Variants in ANKRD11 observed in about 807,000 individuals in gnomAD.
The protein encoded by ANKRD11 is ankyrin repeat domain-containing protein 11.
A neutral mutation model predicts 195.7 loss-of-function variants in ANKRD11; 17 were observed. That is an observed-to-expected ratio of 0.09 (90% CI 0.06 to 0.13). The LOEUF (loss-of-function observed/expected upper bound fraction) is 0.13, where lower values mean the gene tolerates loss of function less well. ANKRD11 is among the 10% of genes least tolerant of loss of function. The pLI, the probability that ANKRD11 is intolerant of heterozygous loss-of-function variation, is 1.00. For missense variants in ANKRD11, 3,735 were observed against 3,566.1 expected (o/e 1.05, Z -1.21); for synonymous variants, 1,953 against 1,528.1 (o/e 1.28, Z -6.49).
chr16:89,426,697 A>G (rs904586801), intron 1 of ANKRD11, among the ~76,000 whole-genome samples: 2 of 152,234 alleles, frequency 1.3e-5, no homozygotes, highest in Non-Finnish European at 2.9e-5. Context: ...ATCACAGTCT[A>G]ATGGCAAAAC....
In ANKRD11 at chr16:89,305,200, T is replaced by G; in HGVS notation, c.226+6A>C. Reference sequence around the variant, plus strand: ...GCTGACTGCAGGAGGGGCCGCGGGCTGGTACCTGTGTCCGAGTCCTTCTGC... The same window carrying G: ...GCTGACTGCAGGAGGGGCCGCGGGCGGGTACCTGTGTCCGAGTCCTTCTGC... On this transcript the variant is annotated splice_donor_region_variant and intron_variant, in intron 4 of 12. Transcript: ENST00000301030. 6.2e-7 allele frequency: 1 copy of G among 1,611,442 alleles called. No homozygotes were observed. Among genetic ancestry groups the G allele is most frequent in the Non-Finnish European group, 8.5e-7 (1 of 1,179,594 alleles).
At chr16:89,356,238 CTG>C (rs2039467057) in intron 2 of ANKRD11, among the ~76,000 whole-genome samples, 2 of 151,876 alleles carry the variant, frequency 1.3e-5, no homozygotes, top group South Asian at 4.1e-4. Context: ...TTTTTAAAAA[CTG>C]ATTACAGACT....
At chr16:89,314,331 G>A (rs1419026398) in intron 3 of ANKRD11, among the ~76,000 whole-genome samples, 1 of 152,156 alleles carries the variant, frequency 6.6e-6, no homozygotes, top group Non-Finnish European at 1.5e-5. Flanking sequence ...TACTGGAAAA[G>A]CCCAGAGTGA....
Position 89,279,836 on chromosome 16 carries a change from C to T in ANKRD11, c.6706G>A (p.Asp2236Asn). The T allele has an allele frequency of 1.3e-6, 2 of 1,547,878 alleles. No homozygotes were observed. The highest frequency in any genetic ancestry group is 2.4e-5 in the East Asian group (1 of 41,130). ...ACGGGCGCGGGCTCCACGCTGGAGT[C>T]CGGATCCCCACGGGCCCTCTCTTCC... ...VPEERARGDPDSSVEPAPVPP... is the reference protein window; with the variant it reads ...VPEERARGDPNSSVEPAPVPP... The change falls in exon 9 of 13, where the codon GAC (aspartate) becomes AAC (asparagine). Residue 2236 changes from aspartate to asparagine, a missense_variant. Coordinates refer to ENST00000301030, the MANE Select transcript of ANKRD11 (RefSeq NM_013275.6). This position sits in a 1 kb window ranked among gnomAD's most constrained non-coding sequence, Gnocchi z 5.6.
At chr16:89,272,206 C>A (rs1402719561) in intron 11 of ANKRD11, 2 of 152,182 alleles carry the variant, frequency 1.3e-5, no homozygotes, top group East Asian at 3.9e-4. Flanking sequence ...TCACTTCACC[C>A]CGGTTAAAAT....
chr16:89,432,274 CACA>C (rs879479562), intron 1 of ANKRD11, among the ~76,000 whole-genome samples: 122 of 150,180 alleles, frequency 8.1e-4, no homozygotes, highest in Non-Finnish European at 9.8e-4. Flanking sequence ...CACACACACA[CACA>C]CCCCTGGAAA....
chr16:89,405,251 G>C (rs2041859442), intron 2 of ANKRD11, among the ~76,000 whole-genome samples: 1 of 152,192 alleles, frequency 6.6e-6, no homozygotes, highest in South Asian at 2.1e-4. Flanking sequence ...GCGGTCTGTT[G>C]TGGAACAAAA....
At position 89,477,277 on chromosome 16, in the gene ANKRD11, C is replaced by T. The variant is rs570605568; in HGVS notation, c.-145+12968G>A. Among the ~76,000 whole-genome samples the T allele has an allele frequency of 3.3e-5, 5 of 151,874 alleles. 1 individual carries two copies. In the South Asian group the frequency reaches 8.3e-4, roughly 25 times the overall value. On this transcript the variant is annotated intron_variant, in intron 1 of 12. Coordinates refer to ENST00000301030, the MANE Select transcript of ANKRD11 (RefSeq NM_013275.6). ...GCGCCATCTCGGCTCACTGCAACCT[C>T]CACCTCCCATGTTCAAGCGATTCTC...
chr16:89,373,340 T>G (rs888343888), intron 2 of ANKRD11: 2 of 152,228 alleles, frequency 1.3e-5, no homozygotes, highest in African/African-American at 4.8e-5. Flanking sequence ...CTGGCTAGAA[T>G]AACCCACACA....
intron 2 of ANKRD11, among the ~76,000 whole-genome samples, chr16:89,369,704 T>A (rs2040111513): frequency 6.6e-6 from 1 of 152,200 alleles, no homozygotes; most frequent in Admixed American, 6.5e-5. Flanking sequence ...GGCATCTGCA[T>A]CTGTGATCAA....
intron 1 of ANKRD11, among the ~76,000 whole-genome samples, chr16:89,454,170 G>A (rs867882033): frequency 1.2e-4 from 19 of 152,194 alleles, no homozygotes; most frequent in South Asian, 6.2e-4. Context: ...CGACAGCCGC[G>A]CCACAACCAA....
Position 89,272,909 on chromosome 16 carries a change from C to T in ANKRD11, c.7713+1905G>A, listed in dbSNP as rs535148580. ...GAAATAAGCATACAAAGACAAACAT[C>T]ACATGTTCTCTCTCACTTGTGGGAT... On this transcript the variant is annotated intron_variant, in intron 11 of 12. Transcript: ENST00000301030. 7.2e-5 allele frequency: 11 copies of T among 152,194 alleles called. No individual in the cohort carries two copies. In the South Asian group the frequency reaches 2.3e-3, roughly 32 times the overall value. 9.4% of individuals were successfully genotyped at this position (152,194 alleles called of 1,614,324 possible).
chr16:89,385,373 C>T (rs1044829786), intron 2 of ANKRD11, among the ~76,000 whole-genome samples: 1 of 150,300 alleles, frequency 6.7e-6, no homozygotes, highest in African/African-American at 2.5e-5. Flanking sequence ...AGGTGATCCA[C>T]CCGCTTCAGC....
At chr16:89,341,415 G>T (rs1354755216) in intron 2 of ANKRD11, among the ~76,000 whole-genome samples, 2 of 152,216 alleles carry the variant, frequency 1.3e-5, no homozygotes, top group Non-Finnish European at 2.9e-5. Flanking sequence ...GCCCCAACGT[G>T]AACAGACCCC....
chr16:89,489,537 G>A (rs932853257), intron 1 of ANKRD11, among the ~76,000 whole-genome samples: 3 of 151,272 alleles, frequency 2.0e-5, no homozygotes, highest in Non-Finnish European at 3.0e-5. Flanking sequence ...CCGGCTCGGA[G>A]CCCGAGAGCC....
intron 4 of ANKRD11, chr16:89,300,249 G>GGGT (rs1196015443): frequency 8.4e-6 from 2 of 239,430 alleles, no homozygotes; most frequent in Non-Finnish European, 1.7e-5. Flanking sequence ...GACCTGTGTG[G>GGGT]GGTGCGTGGG....
At chr16:89,294,468 G>C (rs550331755) in intron 4 of ANKRD11, among the ~76,000 whole-genome samples, 3 of 152,086 alleles carry the variant, frequency 2.0e-5, no homozygotes, top group African/African-American at 7.2e-5. Context: ...CTGCAGCTAC[G>C]AGCATCTACA....
chr16:89,432,899 G>A (rs541363453), intron 1 of ANKRD11, among the ~76,000 whole-genome samples: 1 of 150,934 alleles, frequency 6.6e-6, no homozygotes, highest in East Asian at 2.0e-4. Flanking sequence ...GCTGCAGGGG[G>A]CTTTATCACA....
chr16:89,421,819 G>A (rs1057060033), intron 1 of ANKRD11, among the ~76,000 whole-genome samples: 4 of 152,156 alleles, frequency 2.6e-5, no homozygotes, highest in Non-Finnish European at 4.4e-5. Flanking sequence ...GTCAGTGTGT[G>A]ATGACAGGAC....
Sources: gnomAD v4.1 joint callset for allele counts (sites outside exome capture counted in the v4.1 genomes callset) on GRCh38, gnomAD v4.1.1 for gene constraint, Gnocchi (gnomAD v3.1) non-coding constraint, MANE v1.5 for transcripts, NCBI Gene and HGNC (gene_info 2026-07-23, HGNC 2026-07-21) for gene names.